Variants in INPP5D observed in about 807,000 individuals in gnomAD.
INPP5D encodes phosphatidylinositol 3,4,5-trisphosphate 5-phosphatase 1.
Under a neutral mutation model 122.9 loss-of-function variants are expected in INPP5D, and 33 were observed. The ratio of observed to expected loss-of-function variants is 0.27; its 90% CI spans 0.20 to 0.36. The LOEUF (loss-of-function observed/expected upper bound fraction) is 0.36. Among genes scored for constraint, INPP5D ranks in the 10% least tolerant of loss-of-function variants. The pLI, the probability that INPP5D is intolerant of heterozygous loss-of-function variation, is 1.00. For missense variants in INPP5D, 1,053 were observed against 1,412.7 expected (o/e 0.75, Z 4.08); for synonymous variants, 584 against 576.2 (o/e 1.01, Z -0.19).
At chr2:233,120,125 C>T (rs1045524181) in intron 2 of INPP5D, among the ~76,000 whole-genome samples, 1 of 152,204 alleles carries the variant, frequency 6.6e-6, no homozygotes, top group Admixed American at 6.5e-5. Context: ...TGGCAGCCCC[C>T]AGAGGAGCAG....
intron 1 of INPP5D, chr2:233,076,317 T>C (rs1691519736): frequency 6.6e-6 from 1 of 152,244 alleles, no homozygotes; most frequent in Non-Finnish European, 1.5e-5. Context: ...CCAGTGGTTC[T>C]CTGTGTCCCA....
In INPP5D at chr2:233,146,766, G is replaced by C. The variant is rs558983490; in HGVS notation, c.906+328G>C. On this transcript the variant is annotated intron_variant, in intron 8 of 26. Transcript: ENST00000445964. ...CGGGGCTGCAAAGTACTGCCTCAAG[G>C]GGGTGGGGAATTCAGAAAAAAAATC... 1.5e-4 allele frequency among the ~76,000 whole-genome samples: 23 copies of C among 150,352 alleles called. No individual in the cohort carries two copies. In the East Asian group the frequency reaches 4.5e-3, roughly 30 times the overall value.
chr2:233,130,972 C>A, intron 5 of INPP5D: 1 of 478,722 alleles, frequency 2.1e-6, no homozygotes, highest in Non-Finnish European at 3.9e-6. Context: ...ATTTTTGCTG[C>A]TGCTCTTGCT....
chr2:233,177,251 A>G lies in INPP5D; in HGVS notation c.1990-14A>G. ...TAAGAGGCATTTTTTAAAGCCTATG[A>G]CTTTGATTTGCAGATGAAGTACAAC... On this transcript the variant is annotated splice_polypyrimidine_tract_variant and intron_variant, in intron 17 of 26. Coordinates refer to ENST00000445964, the MANE Select transcript of INPP5D (RefSeq NM_001017915.3). This position sits in a 1 kb window ranked among gnomAD's most constrained non-coding sequence, Gnocchi z 4.2. 2 of 1,613,838 alleles carry G rather than the reference A, an allele frequency of 1.2e-6. No homozygotes were observed. The highest frequency in any genetic ancestry group is 2.2e-5 in the East Asian group (1 of 44,882).
At chr2:233,142,694 C>G (rs964628994) in intron 6 of INPP5D, among the ~76,000 whole-genome samples, 6 of 152,120 alleles carry the variant, frequency 3.9e-5, no homozygotes, top group Non-Finnish European at 7.4e-5. Context: ...GATGGTTAAC[C>G]TGCCTTGGCG....
chr2:233,102,398 G>A (rs924763830), intron 2 of INPP5D, among the ~76,000 whole-genome samples: 8 of 152,056 alleles, frequency 5.3e-5, no homozygotes, highest in Non-Finnish European at 8.8e-5. Flanking sequence ...CCCACACCTC[G>A]CCTGCTTCAC....
At chr2:233,077,125 C>CT (rs931828050) in intron 1 of INPP5D, among the ~76,000 whole-genome samples, 1 of 152,088 alleles carries the variant, frequency 6.6e-6, no homozygotes, top group Non-Finnish European at 1.5e-5. Flanking sequence ...CCTCTATGAT[C>CT]TTTTTTGGTG....
In INPP5D at chr2:233,153,093, G is replaced by A. The variant is rs150106761; in HGVS notation, c.1031-5220G>A. Among the ~76,000 whole-genome samples, 18 of 152,330 alleles carry A rather than the reference G, an allele frequency of 1.2e-4. No homozygotes were observed. The East Asian group carries it at 2.7e-3, about 23-fold the overall frequency. ...GATCGATACCATGTAACAGGACGAG[G>A]GAAACGGAACTTCTAGTGTTATTTC... On this transcript the variant is annotated intron_variant, in intron 9 of 26. Coordinates refer to ENST00000445964, the MANE Select transcript of INPP5D (RefSeq NM_001017915.3).
chr2:233,085,511 A>G (rs989486552), intron 2 of INPP5D, among the ~76,000 whole-genome samples: 1 of 152,052 alleles, frequency 6.6e-6, no homozygotes, highest in Admixed American at 6.6e-5. Context: ...GCCGGTGGGA[A>G]TTCTTTTCCA....
intron 22 of INPP5D, among the ~76,000 whole-genome samples, chr2:233,190,280 C>T (rs930769887): frequency 6.6e-6 from 1 of 152,174 alleles, no homozygotes; most frequent in African/African-American, 2.4e-5. Context: ...GTGACTTGCC[C>T]GAGTCATATA....
chr2:233,185,714 TAAAAAAA>T (rs34533084), intron 20 of INPP5D, 122 bp from the exon 21 acceptor site: 131 of 626,520 alleles, frequency 2.1e-4, no homozygotes, highest in Admixed American at 3.7e-4. Flanking sequence ...GGCCCCGAGA[TAAAAAAA>T]AAAAAAAAAA....
At chr2:233,179,387 C>T (rs759485268) in intron 18 of INPP5D, among the ~76,000 whole-genome samples, 23 of 152,268 alleles carry the variant, frequency 1.5e-4, no homozygotes, top group Non-Finnish European at 2.5e-4. Context: ...CTGTCTGCTT[C>T]AGCCAGCCTC....
At chr2:233,194,810 C>A (rs1227878521) in intron 23 of INPP5D, among the ~76,000 whole-genome samples, 7 of 147,668 alleles carry the variant, frequency 4.7e-5, no homozygotes, top group Non-Finnish European at 1.0e-4. Context: ...TTTTTTCTTT[C>A]TTTCTTTTTT....
intron 2 of INPP5D, among the ~76,000 whole-genome samples, chr2:233,112,448 T>C (rs1035067934): frequency 1.3e-5 from 2 of 152,160 alleles, no homozygotes; most frequent in Admixed American, 1.3e-4. Flanking sequence ...GGGCAACAGG[T>C]GTTGCAGGTA....
chr2:233,195,520 TGGGG>T, intron 24 of INPP5D, 25 bp downstream of exon 24: 1 of 1,484,144 alleles, frequency 6.7e-7, no homozygotes. Flanking sequence ...GGGTGGGTGT[TGGGG>T]GGGGTGGATA....
rs1401067468 is a variant in INPP5D at position 233,146,310 on chromosome 2, C to G, written c.835-57C>G. 9.9e-6 allele frequency: 7 copies of G among 704,272 alleles called. No individual in the cohort carries two copies. The East Asian group carries it at 1.1e-4, about 11-fold the overall frequency. 43.6% of individuals were successfully genotyped at this position (704,272 alleles called of 1,614,324 possible). A position where few individuals can be genotyped will look rare whatever the true frequency, so the allele number is the denominator to read the frequency against. On this transcript the variant is annotated intron_variant, in intron 7 of 26. Coordinates refer to ENST00000445964, the MANE Select transcript of INPP5D (RefSeq NM_001017915.3). ...GTCCCCTCTTTGCATGGAGAATGCC[C>G]AGATGCACAGGCTCGGCGTCCCCTT...
chr2:233,079,435 T>A, intron 2 of INPP5D, 37 bp downstream of exon 2: 1 of 1,280,272 alleles, frequency 7.8e-7, no homozygotes, highest in Non-Finnish European at 1.1e-6. Context: ...TGAACCTGAC[T>A]TCAGCCGATA....
At position 233,199,758 on chromosome 2, in the gene INPP5D, C is replaced by T. The variant is rs1023715460; in HGVS notation, c.2975+1382C>T. On this transcript the variant is annotated intron_variant, in intron 25 of 26. Transcript: ENST00000445964. The stretch of plus-strand genomic sequence containing the variant: ...GCAGGAGAATCACTTGAACCCGGGA[C>T]GCAGAGGTTGCAGTGAGCTGAGATC... 6.1e-5 allele frequency among the ~76,000 whole-genome samples: 9 copies of T among 147,198 alleles called. No homozygotes were observed. The South Asian group carries it at 1.1e-3, about 18-fold the overall frequency.
At chr2:233,062,896 TTAAA>T (rs1235835405) in intron 1 of INPP5D, among the ~76,000 whole-genome samples, 2 of 151,912 alleles carry the variant, frequency 1.3e-5, no homozygotes, top group Non-Finnish European at 2.9e-5. Flanking sequence ...TAAAAACTAA[TTAAA>T]TGAATGATAA....
Sources: allele counts gnomAD v4.1 joint callset (sites outside exome capture counted in the v4.1 genomes callset), GRCh38; gene constraint gnomAD v4.1.1; non-coding constraint Gnocchi (gnomAD v3.1); transcripts MANE v1.5; gene names NCBI Gene and HGNC (gene_info 2026-07-23, HGNC 2026-07-21).